Variants in FAAP20 observed in about 807,000 individuals in gnomAD.
FAAP20 encodes the protein Fanconi anemia core complex-associated protein 20.
A neutral mutation model predicts 16.2 loss-of-function variants in FAAP20; 12 were observed. The observed-to-expected ratio is 0.74, with a 90% confidence interval of 0.48 to 1.20. The LOEUF (loss-of-function observed/expected upper bound fraction) is 1.20. FAAP20 is among the 50% of genes most tolerant of loss of function. FAAP20 has a pLI of 0.00. For synonymous variants in FAAP20, 141 were observed against 110.7 expected, an observed-to-expected ratio of 1.27 and a Z score of -1.72; for missense variants, 288 against 245.8, an observed-to-expected ratio of 1.17 and a Z score of -1.15.
upstream of FAAP20, among the ~76,000 whole-genome samples, chr1:2,195,874 C>A (rs944857573): frequency 2.0e-5 from 3 of 152,220 alleles, no homozygotes; most frequent in African/African-American, 7.2e-5. Context: ...TGCTGGAGGC[C>A]CCCAGCAGAA....
chr1:2,192,853 G>C (rs778867523), intron 3 of FAAP20: 19 of 1,275,484 alleles, frequency 1.5e-5, no homozygotes, highest in Non-Finnish European at 2.0e-5. Flanking sequence ...ACCTGCCTCA[G>C]CCTCTCAAAG....
At chr1:2,197,562 G>C (rs1460460761), upstream of FAAP20, among the ~76,000 whole-genome samples, 2 of 152,236 alleles carry the variant, frequency 1.3e-5, no homozygotes, top group Non-Finnish European at 2.9e-5. Flanking sequence ...CCACCCCAGT[G>C]GGCCTCATTT....
Position 2,194,130 on chromosome 1 carries a change from A to C in FAAP20, c.66T>G (p.Pro22=), listed in dbSNP as rs766832044. 6.2e-7 allele frequency: 1 copy of C among 1,612,092 alleles called. No individual in the cohort carries two copies. The highest frequency in any genetic ancestry group is 8.5e-7 in the Non-Finnish European group (1 of 1,179,812). Residue 22 remains proline, a synonymous_variant, in exon 2 of 4, where the codon CCT becomes CCG. Coordinates refer to ENST00000378546, the MANE Select transcript of FAAP20 (RefSeq NM_182533.4). ...SRRRPRPAGG[P]SGGRPWFLLG... ...GGAGAAACCAGGGGCGGCCGCCAGA[A>C]GGCCTGGGGCAGACAGAGAGGGCAG... is the stretch of plus-strand genomic sequence containing the variant.
chr1:2,188,603 TGA>T (rs1157915496), downstream of FAAP20, among the ~76,000 whole-genome samples: 2 of 152,134 alleles, frequency 1.3e-5, no homozygotes, highest in Non-Finnish European at 2.9e-5. Flanking sequence ...TGCCTTGTGG[TGA>T]GGATTTCAAC....
At position 2,192,629 on chromosome 1, in the gene FAAP20, C is replaced by T. The variant is rs907196491; in HGVS notation, c.470+1010G>A. 25 of 1,168,250 alleles carry T rather than the reference C, an allele frequency of 2.1e-5. No homozygotes were observed. The African/African-American group carries it at 2.7e-4, about 13-fold the overall frequency. 72.4% of individuals were successfully genotyped at this position (1,168,250 alleles called of 1,614,324 possible). On this transcript the variant is annotated intron_variant, in intron 3 of 3. Transcript: ENST00000378546. The stretch of plus-strand genomic sequence containing the variant: ...AGGGCTCCCAACAGTACCCTCTGTC[C>T]GTGATTCAGGGTCTTACTCTGTCAC...
chr1:2,185,871 G>C, downstream of FAAP20: 1 of 376,762 alleles, frequency 2.7e-6, no homozygotes, highest in South Asian at 2.4e-5. Context: ...AAAACTAAAA[G>C]ATGTGCATGT....
chr1:2,189,639 A>AGAGGCGGGGCTGCTGGCGGGGGAGCCGG lies in FAAP20; in HGVS notation c.*69_*70insCCGGCTCCCCCGCCAGCAGCCCCGCCTC. On this transcript the variant is annotated 3_prime_UTR_variant, in exon 4 of 4. Transcript: ENST00000378546. ...GGCGGGGCTGCTGGCGGGGGAGCCG[A>AGAGGCGGGGCTGCTGGCGGGGGAGCCGG]GAGGCGGGGCTGCTGGCGGGGGAGA... 7.8e-7 allele frequency: 1 copy of AGAGGCGGGGCTGCTGGCGGGGGAGCCGG among 1,275,666 alleles called. No homozygotes were observed. The highest frequency in any genetic ancestry group is 1.2e-5 in the South Asian group (1 of 81,636). The allele number at this position is 1,275,666 out of a possible 1,614,324, so 79.0% of individuals were successfully genotyped here. A position where few individuals can be genotyped will look rare whatever the true frequency, so the allele number is the denominator to read the frequency against.
chr1:2,193,928 T>G lies in FAAP20; in HGVS notation c.199-18A>C. On this transcript the variant is annotated intron_variant, in intron 2 of 3. Transcript: ENST00000378546. Reference sequence around the variant, plus strand: ...CTGGGCTCCTGCAACACAGAGTTGTTGGGCCTTGCCCAGCGATGGCTCCCG... The same window carrying G: ...CTGGGCTCCTGCAACACAGAGTTGTGGGGCCTTGCCCAGCGATGGCTCCCG... 1.2e-6 allele frequency: 2 copies of G among 1,612,352 alleles called. No homozygotes were observed. The highest frequency in any genetic ancestry group is 1.7e-6 in the Non-Finnish European group (2 of 1,179,768).
chr1:2,196,553 A>T (rs577136106), upstream of FAAP20, among the ~76,000 whole-genome samples: 3 of 151,394 alleles, frequency 2.0e-5, no homozygotes, highest in East Asian at 5.8e-4. This position sits in a 1 kb window ranked among gnomAD's most constrained non-coding sequence, Gnocchi z 4.5. Context: ...AAAAAAAAAA[A>T]AATAGGCCAG....
At chr1:2,185,409 C>T (rs1030599199), downstream of FAAP20, 1 of 718,806 alleles carries the variant, frequency 1.4e-6, no homozygotes, top group South Asian at 1.5e-5. Flanking sequence ...CCTCTGATGC[C>T]TTTTTTCCGT....
downstream of FAAP20, among the ~76,000 whole-genome samples, chr1:2,211,399 T>TTATA (rs1158545722): frequency 8.1e-3 from 169 of 20,986 alleles, 1 homozygote; most frequent in Non-Finnish European, 0.01. Flanking sequence ...CTGGCTAATT[T>TTATA]TATATATATA....
At chr1:2,185,575 C>A (rs1687466931), downstream of FAAP20, 1 of 706,192 alleles carries the variant, frequency 1.4e-6, no homozygotes, top group East Asian at 2.7e-5. Flanking sequence ...TCCTGTTGTT[C>A]TTCCTGCAGA....
At chr1:2,198,056 A>C, upstream of FAAP20, 1 of 1,291,494 alleles carries the variant, frequency 7.7e-7, no homozygotes, top group South Asian at 1.2e-5. Flanking sequence ...GGTGCTGGTG[A>C]TGGTGATGGT....
chr1:2,192,128 C>T (rs1380018945), intron 3 of FAAP20: 1 of 985,472 alleles, frequency 1.0e-6, no homozygotes, highest in Non-Finnish European at 1.2e-6. Context: ...TTAGACCAGA[C>T]CCTCCAATCC....
upstream of FAAP20, among the ~76,000 whole-genome samples, chr1:2,204,205 G>A (rs1396930204): frequency 2.0e-5 from 3 of 152,360 alleles, no homozygotes; most frequent in African/African-American, 7.2e-5. Context: ...TATCTCTGCA[G>A]CCCGCGTGTG....
intron 3 of FAAP20, among the ~76,000 whole-genome samples, chr1:2,205,929 T>C (rs2503712): frequency 0.47 from 72,250 of 152,212 alleles, 18,279 homozygotes; most frequent in African/African-American, 0.66. Flanking sequence ...TAAAAGGTCT[T>C]CATTCCTTTT....
downstream of FAAP20, chr1:2,184,817 C>T: frequency 7.3e-7 from 1 of 1,377,176 alleles, no homozygotes; most frequent in South Asian, 1.2e-5. Flanking sequence ...GGTGTCATCT[C>T]TCCAGTGGGC....
chr1:2,195,957 C>T (rs758533428), upstream of FAAP20, among the ~76,000 whole-genome samples: 5 of 152,118 alleles, frequency 3.3e-5, no homozygotes, highest in African/African-American at 4.8e-5. Flanking sequence ...GAGTGCTGCC[C>T]GGGCAGGGGG....
chr1:2,193,401 G>A (rs1688471653), intron 3 of FAAP20: 1 of 629,546 alleles, frequency 1.6e-6, no homozygotes, highest in Non-Finnish European at 2.6e-6. Context: ...CCTTCCTTCT[G>A]TGCTGTTCTG....
Sources: allele counts gnomAD v4.1 joint callset (sites outside exome capture counted in the v4.1 genomes callset), GRCh38; gene constraint gnomAD v4.1.1; non-coding constraint Gnocchi (gnomAD v3.1); transcripts MANE v1.5; gene names NCBI Gene and HGNC (gene_info 2026-07-23, HGNC 2026-07-21).